Variants in FBXO25 observed in about 807,000 individuals in gnomAD.
FBXO25 encodes F-box only protein 25.
In FBXO25, 45 loss-of-function variants were observed where a neutral mutation model predicts 51.9. That is an observed-to-expected ratio of 0.87 (90% CI 0.68 to 1.11). The LOEUF (loss-of-function observed/expected upper bound fraction) is 1.11, where lower values mean the gene tolerates loss of function less well. FBXO25 is among the 50% of genes most tolerant of loss of function. The probability of loss-of-function intolerance (pLI) is 0.00; values close to 1 mark genes in which losing one functional copy is unlikely to be tolerated. For synonymous variants in FBXO25, 199 were observed against 151.0 expected (o/e 1.32, Z -2.33); for missense variants, 507 against 428.5 (o/e 1.18, Z -1.62).
intron 7 of FBXO25, 67 bp downstream of exon 7, chr8:451,520 G>C: frequency 1.4e-6 from 2 of 1,434,386 alleles, no homozygotes; most frequent in Non-Finnish European, 1.9e-6. Flanking sequence ...TCTTTTCTAA[G>C]CATACATGAA....
At chr8:422,279 G>T (rs1264012561) in intron 2 of FBXO25, among the ~76,000 whole-genome samples, 3 of 152,242 alleles carry the variant, frequency 2.0e-5, no homozygotes, top group African/African-American at 7.2e-5. Flanking sequence ...GTGTGGTGCT[G>T]TGTGAATGGC....
chr8:414,684 C>G (rs553674767), intron 2 of FBXO25, among the ~76,000 whole-genome samples: 5 of 152,306 alleles, frequency 3.3e-5, no homozygotes, highest in African/African-American at 7.2e-5. Flanking sequence ...CTCTGTCTCC[C>G]TTTCCCCTTC....
chr8:436,282 T>C (rs1462554717), intron 5 of FBXO25, among the ~76,000 whole-genome samples: 3 of 152,206 alleles, frequency 2.0e-5, no homozygotes, highest in Non-Finnish European at 4.4e-5. Flanking sequence ...AAAGATTAAT[T>C]ACTATGTGGT....
intron 2 of FBXO25, among the ~76,000 whole-genome samples, chr8:419,738 G>A (rs570542996): frequency 6.6e-6 from 1 of 152,286 alleles, no homozygotes; most frequent in Admixed American, 6.5e-5. Context: ...AAGTCTGCAT[G>A]ATCTTGGGCA....
chr8:427,017 C>T (rs1004294359), intron 2 of FBXO25, among the ~76,000 whole-genome samples: 8 of 152,002 alleles, frequency 5.3e-5, no homozygotes, highest in African/African-American at 1.9e-4. Context: ...ACTAATAATA[C>T]ACTGATACGA....
intron 5 of FBXO25, among the ~76,000 whole-genome samples, chr8:447,603 T>C (rs559123577): frequency 1.2e-4 from 19 of 152,280 alleles, no homozygotes; most frequent in African/African-American, 4.1e-4. Context: ...TGGAAGTGTT[T>C]TAGATTTTGG....
chr8:412,013 G>A (rs1563058632), intron 1 of FBXO25, among the ~76,000 whole-genome samples: 1 of 152,218 alleles, frequency 6.6e-6, no homozygotes, highest in Non-Finnish European at 1.5e-5. Flanking sequence ...ATGCACAGCA[G>A]TAGTTGAAAA....
At chr8:436,847 A>C (rs1210159958) in intron 5 of FBXO25, among the ~76,000 whole-genome samples, 1 of 152,220 alleles carries the variant, frequency 6.6e-6, no homozygotes. Context: ...CCATCTGTCT[A>C]CATAAAAGGA....
rs1325113760 is a variant in FBXO25, at chr8:463,257, T to C, written c.987+107T>C. On this transcript the variant is annotated intron_variant, in intron 9 of 9. Transcript: ENST00000350302. ...CTAAAAAGCGGAAAATACTGTTTGT[T>C]ATAAGTAAGTTAAGGAGATATATTT... The C allele has an allele frequency of 4.1e-6, 5 of 1,234,130 alleles. No homozygotes were observed. In the East Asian group the frequency reaches 7.1e-5, roughly 18 times the overall value. The allele number at this position is 1,234,130 out of a possible 1,614,324, so 76.4% of individuals were successfully genotyped here.
At position 474,737 on chromosome 8, in the gene FBXO25, G is replaced by C. The variant is rs1045662810; in HGVS notation, c.*5933G>C. 5 of 456,450 alleles carry C rather than the reference G, an allele frequency of 1.1e-5. No individual in the cohort carries two copies. Among genetic ancestry groups the C allele is most frequent in the African/African-American group, 2.0e-5 (1 of 50,056 alleles). The allele number at this position is 456,450 out of a possible 1,614,324, so 28.3% of individuals were successfully genotyped here. On this transcript the variant is annotated 3_prime_UTR_variant, in exon 10 of 10. Coordinates refer to ENST00000350302, the MANE Select transcript of FBXO25 (RefSeq NM_183420.2). ...CAGGTGTGTGTTTTTATATGTTCTGGGTATTCACCCTTTTCAGATATATCA... is the reference window on the plus strand; with the variant it reads ...CAGGTGTGTGTTTTTATATGTTCTGCGTATTCACCCTTTTCAGATATATCA...
At chr8:427,136 G>A (rs1797537879) in intron 2 of FBXO25, among the ~76,000 whole-genome samples, 2 of 151,988 alleles carry the variant, frequency 1.3e-5, no homozygotes, top group African/African-American at 4.8e-5. Context: ...TTAGTAGGTA[G>A]CCATTGATGA....
In FBXO25 at chr8:469,200, A is replaced by G. The variant is rs112205005; in HGVS notation, c.*396A>G. The G allele has an allele frequency of 8.9e-4, 149 of 167,642 alleles. 2 individuals are homozygous for G. Among genetic ancestry groups the G allele is most frequent in the Middle Eastern group, 5.3e-3 (2 of 378 alleles). 10.4% of individuals were successfully genotyped at this position (167,642 alleles called of 1,614,324 possible). Reference sequence around the variant, plus strand: ...TTGGGAAACTAATTGGGGGTGGGTTACAAAACATTTGATCCTTGTAAATAC... The same window carrying G: ...TTGGGAAACTAATTGGGGGTGGGTTGCAAAACATTTGATCCTTGTAAATAC... On this transcript the variant is annotated 3_prime_UTR_variant, in exon 10 of 10. Coordinates refer to ENST00000350302, the MANE Select transcript of FBXO25 (RefSeq NM_183420.2).
At chr8:420,962 A>C (rs1002832588) in intron 2 of FBXO25, among the ~76,000 whole-genome samples, 3 of 152,232 alleles carry the variant, frequency 2.0e-5, no homozygotes, top group African/African-American at 7.2e-5. Flanking sequence ...ACAAACTGTG[A>C]CAGATGAATC....
chr8:462,953 TTA>T, intron 8 of FBXO25, 52 bp from the exon 9 acceptor site: 1 of 1,556,756 alleles, frequency 6.4e-7, no homozygotes, highest in Non-Finnish European at 8.7e-7. Context: ...ACACCTAATA[TTA>T]TGTTTTGAAA....
chr8:417,756 T>C (rs1369864350), intron 2 of FBXO25, among the ~76,000 whole-genome samples: 2 of 152,240 alleles, frequency 1.3e-5, no homozygotes, highest in Non-Finnish European at 2.9e-5. Context: ...GAGTTCCTCA[T>C]TCATTATAAG....
At position 451,461 on chromosome 8, in the gene FBXO25, T is replaced by C; in HGVS notation, c.660+8T>C. 1 of 1,611,832 alleles carries C rather than the reference T, an allele frequency of 6.2e-7. No homozygotes were observed. Among genetic ancestry groups the C allele is most frequent in the African/African-American group, 1.3e-5 (1 of 74,922 alleles). On this transcript the variant is annotated splice_region_variant and intron_variant, in intron 7 of 9. Coordinates refer to ENST00000350302, the MANE Select transcript of FBXO25 (RefSeq NM_183420.2). The stretch of plus-strand genomic sequence containing the variant: ...GATCTTCAGATGACTAAGGTATAAA[T>C]ATCTCGGCATAAGAGTTATTACACT...
At chr8:410,512 T>C (rs541031895) in intron 1 of FBXO25, among the ~76,000 whole-genome samples, 1 of 152,328 alleles carries the variant, frequency 6.6e-6, no homozygotes, top group Non-Finnish European at 1.5e-5. Context: ...GAGATGTTCC[T>C]AGCAGCCATT....
In FBXO25 at chr8:477,147, A is replaced by G. The variant is rs2116660324; in HGVS notation, c.*8343A>G. The G allele has an allele frequency of 6.6e-6, 1 of 152,302 alleles. No homozygotes were observed. Among genetic ancestry groups the G allele is most frequent in the African/African-American group, 2.4e-5 (1 of 41,566 alleles). 9.4% of individuals were successfully genotyped at this position (152,302 alleles called of 1,614,324 possible). A position where few individuals can be genotyped will look rare whatever the true frequency, so the allele number is the denominator to read the frequency against. On this transcript the variant is annotated 3_prime_UTR_variant, in exon 10 of 10. Coordinates refer to ENST00000350302, the MANE Select transcript of FBXO25 (RefSeq NM_183420.2). The stretch of plus-strand genomic sequence containing the variant: ...TTTCATCCCACTGTGGCCAGAAAAG[A>G]TATTTTATTTCCTCAGTCTTTTGAA...
At chr8:410,218 A>G (rs907008413) in intron 1 of FBXO25, among the ~76,000 whole-genome samples, 1 of 152,186 alleles carries the variant, frequency 6.6e-6, no homozygotes, top group Non-Finnish European at 1.5e-5. Context: ...GCACACTCAC[A>G]TATCTACATG....
Sources: allele counts gnomAD v4.1 joint callset (sites outside exome capture counted in the v4.1 genomes callset), GRCh38; gene constraint gnomAD v4.1.1; transcripts MANE v1.5; gene names NCBI Gene and HGNC (gene_info 2026-07-23, HGNC 2026-07-21).